The following KITLG variants were observed in gnomAD, a reference collection of about 807,000 sequenced individuals.
KITLG encodes the protein c-Kit ligand.
In KITLG, 13 loss-of-function variants were observed where a neutral mutation model predicts 34.1. That is an observed-to-expected ratio of 0.38 (90% CI 0.25 to 0.61). KITLG has a LOEUF of 0.61. Among genes scored for constraint, KITLG ranks in the 20% least tolerant of loss-of-function variants. KITLG has a pLI of 0.60. For synonymous variants in KITLG, 110 were observed against 104.0 expected (o/e 1.06, Z -0.35); for missense variants, 292 against 318.9 (o/e 0.92, Z 0.64).
chr12:88,569,839 T>C (rs1871583743), intron 1 of KITLG, among the ~76,000 whole-genome samples: 1 of 152,210 alleles, frequency 6.6e-6, no homozygotes. Flanking sequence ...GATAAGGTTG[T>C]GCTGACAATC....
At chr12:88,556,513 C>T (rs1388130543) in intron 1 of KITLG, among the ~76,000 whole-genome samples, 1 of 152,060 alleles carries the variant, frequency 6.6e-6, no homozygotes, top group African/African-American at 2.4e-5. Context: ...GAGAAATGAA[C>T]ACGTTCAACA....
intron 4 of KITLG, among the ~76,000 whole-genome samples, 174 bp from the exon 5 acceptor site, chr12:88,516,664 TCC>T (rs1296828370): frequency 6.6e-6 from 1 of 151,776 alleles, no homozygotes; most frequent in East Asian, 1.9e-4. Flanking sequence ...AGGGTAGTGA[TCC>T]CAGTGGGATC....
At chr12:88,576,673 A>C (rs1429129732) in intron 1 of KITLG, among the ~76,000 whole-genome samples, 1 of 152,168 alleles carries the variant, frequency 6.6e-6, no homozygotes, top group East Asian at 1.9e-4. Context: ...TTAGAATCTA[A>C]GTCTTCAGAA....
chr12:88,554,499 C>T (rs1871032749), intron 1 of KITLG, among the ~76,000 whole-genome samples: 1 of 152,132 alleles, frequency 6.6e-6, no homozygotes, highest in Admixed American at 6.5e-5. Flanking sequence ...TCCTGCATAC[C>T]AGCTATTGAA....
At chr12:88,559,828 T>G (rs975363044) in intron 1 of KITLG, among the ~76,000 whole-genome samples, 10 of 152,190 alleles carry the variant, frequency 6.6e-5, no homozygotes, top group Admixed American at 6.5e-4. Context: ...CTGGGACAAG[T>G]TCCTCTGGTA....
intron 3 of KITLG, among the ~76,000 whole-genome samples, chr12:88,530,198 C>T (rs867556271): frequency 6.6e-6 from 1 of 152,098 alleles, no homozygotes; most frequent in African/African-American, 2.4e-5. Flanking sequence ...GTCTTTATTA[C>T]CTAGAGGCTT....
At chr12:88,537,448 T>C (rs1306270756) in intron 2 of KITLG, among the ~76,000 whole-genome samples, 1 of 151,828 alleles carries the variant, frequency 6.6e-6, no homozygotes, top group Non-Finnish European at 1.5e-5. Context: ...GAAATAAAGA[T>C]GGCAACAATA....
At chr12:88,574,969 TCTC>T (rs988290063) in intron 1 of KITLG, among the ~76,000 whole-genome samples, 2 of 152,178 alleles carry the variant, frequency 1.3e-5, no homozygotes, top group African/African-American at 4.8e-5. Context: ...TAAATTTAAA[TCTC>T]CTTCATTTCT....
intron 2 of KITLG, among the ~76,000 whole-genome samples, chr12:88,541,070 C>A (rs1870501598): frequency 6.6e-6 from 1 of 152,002 alleles, no homozygotes. Context: ...AGTGGTAATT[C>A]TACTTGAGAA....
intron 2 of KITLG, 130 bp downstream of exon 2, chr12:88,545,622 A>T (rs576100510): frequency 1.6e-6 from 1 of 621,834 alleles, no homozygotes; most frequent in South Asian, 2.0e-5. Context: ...ATTGTAACCC[A>T]GTGATTACTT....
At chr12:88,513,314 T>C (rs1166581743) in intron 6 of KITLG, among the ~76,000 whole-genome samples, 1 of 147,594 alleles carries the variant, frequency 6.8e-6, no homozygotes, top group Non-Finnish European at 1.5e-5. Context: ...AATTAAACAC[T>C]AGAAAAAAAA....
At position 88,522,680 on chromosome 12, in the gene KITLG, G is replaced by A. The variant is rs533110747; in HGVS notation, c.193-3813C>T. Among the ~76,000 whole-genome samples the A allele has an allele frequency of 1.0e-3, 155 of 152,012 alleles. 1 individual carries two copies. Among genetic ancestry groups the A allele is most frequent in the African/African-American group, 3.5e-3 (147 of 41,456 alleles). On this transcript the variant is annotated intron_variant, in intron 3 of 9. Transcript: ENST00000644744. ...TGACTCCAGGTGATCCACCCATCTC[G>A]GTTTCCCAAAGTGCTGGGATTACAG... is the stretch of plus-strand genomic sequence containing the variant.
At chr12:88,533,982 C>G in intron 2 of KITLG, among the ~76,000 whole-genome samples, 1 of 152,164 alleles carries the variant, frequency 6.6e-6, no homozygotes. Context: ...TATGGTTCCT[C>G]TTCCCTAAGT....
chr12:88,514,608 C>A (rs566436788), intron 6 of KITLG, among the ~76,000 whole-genome samples: 1 of 151,768 alleles, frequency 6.6e-6, no homozygotes, highest in South Asian at 2.1e-4. Context: ...AATATATATT[C>A]ACTTTTAGAA....
intron 3 of KITLG, among the ~76,000 whole-genome samples, chr12:88,526,678 C>A (rs1319282660): frequency 1.3e-5 from 2 of 152,044 alleles, no homozygotes; most frequent in East Asian, 1.9e-4. Flanking sequence ...TCCAGTAGAA[C>A]AATTTGGTTT....
chr12:88,506,729 T>C (rs1165220802), intron 7 of KITLG, among the ~76,000 whole-genome samples: 6 of 152,268 alleles, frequency 3.9e-5, no homozygotes, highest in East Asian at 1.9e-4. Flanking sequence ...TAGCAGATAA[T>C]ACAAATGACA....
intron 2 of KITLG, among the ~76,000 whole-genome samples, chr12:88,537,757 AC>A (rs1188945075): frequency 6.6e-6 from 1 of 152,134 alleles, no homozygotes; most frequent in African/African-American, 2.4e-5. Context: ...ATATTGACTC[AC>A]CTTCCAGAAA....
intron 4 of KITLG, among the ~76,000 whole-genome samples, chr12:88,518,169 C>A (rs556292014): frequency 2.0e-5 from 3 of 152,148 alleles, no homozygotes; most frequent in East Asian, 3.9e-4. Context: ...AGCGACAGAG[C>A]CAGAATTTAA....
At chr12:88,549,791 T>C (rs979495872) in intron 1 of KITLG, among the ~76,000 whole-genome samples, 1 of 151,626 alleles carries the variant, frequency 6.6e-6, no homozygotes, top group Non-Finnish European at 1.5e-5. Context: ...AGGGAGTGAG[T>C]AAAAGTATAA....
Sources: gnomAD v4.1 joint callset for allele counts (sites outside exome capture counted in the v4.1 genomes callset) on GRCh38, gnomAD v4.1.1 for gene constraint, MANE v1.5 for transcripts, NCBI Gene and HGNC (gene_info 2026-07-23, HGNC 2026-07-21) for gene names.